CHCHD6: variants seen among roughly 807,000 people sequenced by gnomAD.
CHCHD6 encodes the protein coiled-coil-helix-coiled-coil-helix domain containing 6.
CHCHD6 carries 28 observed loss-of-function variants against 32.3 expected under a neutral mutation model. That is an observed-to-expected ratio of 0.87 (90% CI 0.64 to 1.19). CHCHD6 has a LOEUF of 1.19. CHCHD6 is among the 50% of genes most tolerant of loss of function. The pLI is 0.00. For synonymous variants in CHCHD6, 122 were observed against 117.5 expected, an observed-to-expected ratio of 1.04 and a Z score of -0.25; for missense variants, 333 against 307.0, an observed-to-expected ratio of 1.08 and a Z score of -0.63.
chr3:126,790,381 T>C, intron 4 of CHCHD6, among the ~76,000 whole-genome samples: 1 of 152,220 alleles, frequency 6.6e-6, no homozygotes, highest in Non-Finnish European at 1.5e-5. Flanking sequence ...CCTTGCTAGG[T>C]TGGGGAAGTT....
intron 4 of CHCHD6, chr3:126,766,577 CT>C (rs1937378510): frequency 1.7e-6 from 2 of 1,172,412 alleles, no homozygotes; most frequent in Admixed American, 1.7e-5. Context: ...ACCTCCTGGG[CT>C]GCAGTGGAAG....
At chr3:126,951,674 G>A (rs925381272) in intron 6 of CHCHD6, among the ~76,000 whole-genome samples, 5 of 152,194 alleles carry the variant, frequency 3.3e-5, no homozygotes, top group Admixed American at 1.3e-4. Flanking sequence ...GGGGCCAGTC[G>A]GCCACCAGAG....
chr3:126,882,487 A>T (rs2077623789), intron 5 of CHCHD6, among the ~76,000 whole-genome samples: 1 of 152,222 alleles, frequency 6.6e-6, no homozygotes, highest in Non-Finnish European at 1.5e-5. Context: ...CCTCAACTCC[A>T]ATTCATTTTC....
intron 4 of CHCHD6, among the ~76,000 whole-genome samples, chr3:126,758,633 C>A (rs1412909663): frequency 2.0e-5 from 3 of 152,134 alleles, no homozygotes; most frequent in African/African-American, 7.2e-5. Flanking sequence ...TATTTGCTGT[C>A]CCATTTTTAG....
At chr3:126,815,232 GTTA>G (rs920628707) in intron 4 of CHCHD6, among the ~76,000 whole-genome samples, 77 of 152,268 alleles carry the variant, frequency 5.1e-4, no homozygotes, top group Admixed American at 5.0e-3. Flanking sequence ...CCAAAGCTCT[GTTA>G]TTATTTCCTA....
At chr3:126,785,412 T>G (rs139140847) in intron 4 of CHCHD6, among the ~76,000 whole-genome samples, 7 of 152,342 alleles carry the variant, frequency 4.6e-5, no homozygotes, top group African/African-American at 1.2e-4. Context: ...TTCAAACACA[T>G]GAACATTTTA....
At chr3:126,768,056 A>G (rs1379084545) in intron 4 of CHCHD6, among the ~76,000 whole-genome samples, 1 of 152,202 alleles carries the variant, frequency 6.6e-6, no homozygotes, top group East Asian at 1.9e-4. Context: ...TGCAGTGAAC[A>G]TATGTGATAT....
At chr3:126,796,475 G>A (rs1938797680) in intron 4 of CHCHD6, among the ~76,000 whole-genome samples, 1 of 152,142 alleles carries the variant, frequency 6.6e-6, no homozygotes, top group Admixed American at 6.5e-5. Context: ...CCAATGGAGT[G>A]TTTTGTCATC....
intron 6 of CHCHD6, among the ~76,000 whole-genome samples, chr3:126,943,405 G>C (rs370299959): frequency 6.6e-6 from 1 of 152,176 alleles, no homozygotes; most frequent in Non-Finnish European, 1.5e-5. Context: ...CCTCTGCCTC[G>C]TTTTGCCTCC....
intron 4 of CHCHD6, among the ~76,000 whole-genome samples, chr3:126,782,658 C>T (rs114797970): frequency 0.03 from 4,556 of 152,222 alleles, 95 homozygotes; most frequent in Non-Finnish European, 0.039. Context: ...CAGGTCCTCC[C>T]GCAGACACCA....
At position 126,704,585 on chromosome 3, in the gene CHCHD6, T is replaced by C. The variant is rs369985851; in HGVS notation, c.87+186T>C. 3.1e-4 allele frequency among the ~76,000 whole-genome samples: 47 copies of C among 152,278 alleles called. No individual in the cohort carries two copies. In the East Asian group the frequency reaches 7.6e-3, roughly 25 times the overall value. On this transcript the variant is annotated intron_variant, in intron 1 of 7. Coordinates refer to ENST00000290913, the MANE Select transcript of CHCHD6 (RefSeq NM_032343.3). The stretch of plus-strand genomic sequence containing the variant: ...GCCCGAGGCTGGCAGCCTTGGAGCT[T>C]CGCGACATGGGCTTCAGGGAAGGAG...
chr3:126,834,780 AC>A (rs1376293520), intron 4 of CHCHD6, among the ~76,000 whole-genome samples: 4 of 151,712 alleles, frequency 2.6e-5, no homozygotes, highest in South Asian at 2.1e-4. Context: ...ATTGGACAGA[AC>A]CTCCCCAAGA....
chr3:126,723,676 T>C (rs918341698), intron 1 of CHCHD6, among the ~76,000 whole-genome samples: 2 of 152,200 alleles, frequency 1.3e-5, no homozygotes, highest in Admixed American at 6.5e-5. Context: ...ATGCCGAAAT[T>C]TTCTCAGTCA....
chr3:126,761,280 A>G (rs1407622753), intron 4 of CHCHD6, among the ~76,000 whole-genome samples: 1 of 152,148 alleles, frequency 6.6e-6, no homozygotes, highest in African/African-American at 2.4e-5. Context: ...TGGAGATGAG[A>G]GGTCCAGCTT....
chr3:126,704,344 G>A lies in CHCHD6; in HGVS notation c.32G>A (p.Arg11Lys), dbSNP rs757729922. The A allele has an allele frequency of 6.2e-7, 1 of 1,600,776 alleles. No homozygotes were observed. The highest frequency in any genetic ancestry group is 1.3e-5 in the African/African-American group (1 of 74,810). The change falls in exon 1 of 8, where the codon AGG (arginine) becomes AAG (lysine). Residue 11 changes from arginine (R) to lysine (K), a missense_variant. By Grantham distance (26) the Arg-to-Lys change is conservative. Coordinates refer to ENST00000290913, the MANE Select transcript of CHCHD6 (RefSeq NM_032343.3). ...AGCACGGAGAGCAGCGAGGGCCGCA[G>A]GGTGTCCTTCGGAGTGGACGAGGAG... MGSTESSEGR[R>K]VSFGVDEEER...
intron 6 of CHCHD6, among the ~76,000 whole-genome samples, chr3:126,929,196 A>C (rs1319213138): frequency 6.6e-6 from 1 of 152,118 alleles, no homozygotes; most frequent in African/African-American, 2.4e-5. Context: ...CAGACACCTG[A>C]CTTGGAGTCC....
intron 4 of CHCHD6, among the ~76,000 whole-genome samples, chr3:126,733,809 G>A (rs1382897640): frequency 6.6e-6 from 1 of 152,156 alleles, no homozygotes; most frequent in African/African-American, 2.4e-5. Flanking sequence ...TTAAGTGATG[G>A]GTGGCTATTA....
intron 1 of CHCHD6, among the ~76,000 whole-genome samples, chr3:126,714,787 C>A (rs551085804): frequency 1.1e-4 from 16 of 152,274 alleles, no homozygotes; most frequent in Admixed American, 9.2e-4. Flanking sequence ...GCTGCGTAGG[C>A]CTGTCTCGGC....
chr3:126,945,344 C>T (rs1181117312), intron 6 of CHCHD6, among the ~76,000 whole-genome samples: 3 of 151,928 alleles, frequency 2.0e-5, no homozygotes, highest in Admixed American at 6.5e-5. Context: ...GCCAGAGCAC[C>T]CCCACCATCA....
Sources: gnomAD v4.1 joint callset for allele counts (sites outside exome capture counted in the v4.1 genomes callset) on GRCh38, gnomAD v4.1.1 for gene constraint, MANE v1.5 for transcripts, NCBI Gene and HGNC (gene_info 2026-07-23, HGNC 2026-07-21) for gene names.